The following NRG3 variants were observed in gnomAD, a reference collection of about 807,000 sequenced individuals.
NRG3 encodes pro-neuregulin-3, membrane-bound isoform.
Under a neutral mutation model 66.9 loss-of-function variants are expected in NRG3, and 31 were observed. The ratio of observed to expected loss-of-function variants is 0.46; its 90% CI spans 0.35 to 0.63. The LOEUF (loss-of-function observed/expected upper bound fraction) is 0.63, where lower values mean the gene tolerates loss of function less well. NRG3 is among the 20% of genes least tolerant of loss of function. The pLI is 0.00. For synonymous variants in NRG3, 393 were observed against 359.4 expected (o/e 1.09, Z -1.06); for missense variants, 910 against 878.9 (o/e 1.04, Z -0.45).
At position 82,175,749 on chromosome 10, in the gene NRG3, A is replaced by G. The variant is rs141995969; in HGVS notation, c.824-182990A>G. On this transcript the variant is annotated intron_variant, in intron 1 of 8. Transcript: ENST00000372141. ...TCTTATCCATCATTGTCTGCCCAGT[A>G]TGATGTCAGGTAATCTGTGCATAGA... Among the ~76,000 whole-genome samples, 163 of 152,322 alleles carry G rather than the reference A, an allele frequency of 1.1e-3. 1 individual carries two copies. The highest frequency in any genetic ancestry group is 3.4e-3 in the Middle Eastern group (1 of 294).
chr10:82,058,256 A>G (rs564414253), intron 1 of NRG3, among the ~76,000 whole-genome samples: 1 of 151,888 alleles, frequency 6.6e-6, no homozygotes, highest in South Asian at 2.1e-4. Flanking sequence ...CTAGTTTGTT[A>G]TATCTAGTTT....
chr10:82,551,634 G>A (rs2044315081), intron 2 of NRG3, among the ~76,000 whole-genome samples: 1 of 150,576 alleles, frequency 6.6e-6, no homozygotes, highest in African/African-American at 2.4e-5. Context: ...GATACATGAG[G>A]CCACACAAAA....
intron 1 of NRG3, among the ~76,000 whole-genome samples, chr10:82,336,915 T>C (rs1249226726): frequency 1.3e-5 from 2 of 152,338 alleles, no homozygotes; most frequent in East Asian, 3.9e-4. Context: ...ATTTTCTCAA[T>C]AATATTTGTT....
chr10:81,970,499 T>A (rs994474497), intron 1 of NRG3, among the ~76,000 whole-genome samples: 1 of 152,238 alleles, frequency 6.6e-6, no homozygotes, highest in Non-Finnish European at 1.5e-5. Flanking sequence ...TGCAGTGTAA[T>A]TCTCTATTAT....
chr10:82,192,636 C>T, intron 1 of NRG3, among the ~76,000 whole-genome samples: 1 of 152,082 alleles, frequency 6.6e-6, no homozygotes, highest in East Asian at 1.9e-4. Flanking sequence ...CCCATTGTCC[C>T]TATTATTTGT....
At chr10:82,137,870 A>G (rs888045642) in intron 1 of NRG3, among the ~76,000 whole-genome samples, 16 of 152,146 alleles carry the variant, frequency 1.1e-4, no homozygotes, top group Admixed American at 5.9e-4. Flanking sequence ...TTTCACTCTA[A>G]AACTGAATGC....
At chr10:82,288,475 G>A (rs894853961) in intron 1 of NRG3, among the ~76,000 whole-genome samples, 1 of 152,156 alleles carries the variant, frequency 6.6e-6, no homozygotes, top group African/African-American at 2.4e-5. Flanking sequence ...CAGGCAGTAG[G>A]AGCCGGGCAG....
At chr10:82,305,398 C>T (rs1212944173) in intron 1 of NRG3, among the ~76,000 whole-genome samples, 1 of 152,004 alleles carries the variant, frequency 6.6e-6, no homozygotes, top group African/African-American at 2.4e-5. Context: ...GATAAAATTT[C>T]CATATGGGTT....
At chr10:82,312,656 A>C (rs1273100523) in intron 1 of NRG3, among the ~76,000 whole-genome samples, 2 of 152,242 alleles carry the variant, frequency 1.3e-5, no homozygotes, top group Non-Finnish European at 2.9e-5. Context: ...GATGGCACCT[A>C]GTGTATGAAA....
chr10:82,708,627 A>G (rs1442838056), intron 2 of NRG3, among the ~76,000 whole-genome samples: 3 of 152,160 alleles, frequency 2.0e-5, no homozygotes, highest in East Asian at 1.9e-4. Flanking sequence ...TTATATTACA[A>G]TTACTTAATA....
chr10:82,679,728 C>A (rs1245623763), intron 2 of NRG3, among the ~76,000 whole-genome samples: 1 of 152,038 alleles, frequency 6.6e-6, no homozygotes, highest in East Asian at 1.9e-4. Context: ...GAGATAAACA[C>A]CATTATTAAT....
At chr10:82,757,181 C>T (rs564743004) in intron 3 of NRG3, among the ~76,000 whole-genome samples, 46 of 152,084 alleles carry the variant, frequency 3.0e-4, no homozygotes, top group African/African-American at 1.0e-3. Flanking sequence ...GAGCAAAAAA[C>T]GATAGTCCTC....
At chr10:82,017,244 T>C (rs1482194394) in intron 1 of NRG3, among the ~76,000 whole-genome samples, 1 of 152,176 alleles carries the variant, frequency 6.6e-6, no homozygotes, top group East Asian at 1.9e-4. Flanking sequence ...TTCATCCATG[T>C]CCCTACAAAG....
chr10:82,079,113 C>T (rs948347071), intron 1 of NRG3, among the ~76,000 whole-genome samples: 9 of 151,376 alleles, frequency 5.9e-5, no homozygotes, highest in East Asian at 1.9e-4. Context: ...TTCGCGATCT[C>T]GGCTCACTGC....
intron 2 of NRG3, among the ~76,000 whole-genome samples, chr10:82,559,496 C>T (rs1349898526): frequency 6.6e-6 from 1 of 152,152 alleles, no homozygotes; most frequent in Non-Finnish European, 1.5e-5. Flanking sequence ...ATGCTGTGTC[C>T]AGTCATCAGG....
At chr10:82,835,959 C>A (rs541050844) in intron 3 of NRG3, among the ~76,000 whole-genome samples, 2 of 152,076 alleles carry the variant, frequency 1.3e-5, no homozygotes, top group African/African-American at 4.8e-5. Flanking sequence ...CTGTTTAGAG[C>A]GAGGGTTAGC....
intron 2 of NRG3, among the ~76,000 whole-genome samples, chr10:82,571,139 G>A (rs649536): frequency 0.55 from 82,822 of 151,052 alleles, 24,195 homozygotes; most frequent in East Asian, 0.77. Flanking sequence ...TTTGTATCCT[G>A]TTAATGAAAG....
intron 1 of NRG3, among the ~76,000 whole-genome samples, chr10:81,993,246 G>T (rs1399361299): frequency 2.0e-5 from 3 of 152,168 alleles, no homozygotes; most frequent in African/African-American, 7.2e-5. Flanking sequence ...ATAGTCTACT[G>T]TTCTCATTTT....
At chr10:82,748,861 G>A (rs893381947) in intron 3 of NRG3, among the ~76,000 whole-genome samples, 4 of 151,792 alleles carry the variant, frequency 2.6e-5, no homozygotes, top group Non-Finnish European at 4.4e-5. Context: ...TTAGTCAATG[G>A]AAGCACTGAA....
Sources: allele counts gnomAD v4.1 joint callset (sites outside exome capture counted in the v4.1 genomes callset), GRCh38; gene constraint gnomAD v4.1.1; transcripts MANE v1.5; gene names NCBI Gene and HGNC (gene_info 2026-07-23, HGNC 2026-07-21).